The following GKAP1 variants were observed in gnomAD, a reference collection of about 807,000 sequenced individuals.
GKAP1 encodes G kinase-anchoring protein 1.
GKAP1 carries 31 observed loss-of-function variants against 56.7 expected under a neutral mutation model. The observed-to-expected ratio is 0.55, with a 90% confidence interval of 0.41 to 0.74. The LOEUF (loss-of-function observed/expected upper bound fraction) is 0.74, where lower values mean the gene tolerates loss of function less well. Among genes scored for constraint, GKAP1 ranks in the 30% least tolerant of loss-of-function variants. The probability of loss-of-function intolerance (pLI) is 0.00; values close to 1 mark genes in which losing one functional copy is unlikely to be tolerated. For synonymous variants in GKAP1, 151 were observed against 138.6 expected, an observed-to-expected ratio of 1.09 and a Z score of -0.63; for missense variants, 364 against 402.3, an observed-to-expected ratio of 0.90 and a Z score of 0.82.
chr9:83,744,109 T>G (rs1223629579), intron 10 of GKAP1, among the ~76,000 whole-genome samples: 2 of 152,212 alleles, frequency 1.3e-5, no homozygotes, highest in African/African-American at 4.8e-5. Context: ...CTCTCAAGAA[T>G]CAACCTGGGA....
At chr9:83,792,684 A>G (rs181931578) in intron 4 of GKAP1, among the ~76,000 whole-genome samples, 68 of 152,314 alleles carry the variant, frequency 4.5e-4, no homozygotes, top group African/African-American at 1.4e-3. Context: ...TCTATCAAAG[A>G]CTGCTATAAC....
At position 83,741,961 on chromosome 9, in the gene GKAP1, G is replaced by A; in HGVS notation, c.1044C>T (p.Ala348=). ...AATTATAAAAGCATACCTGGTATTT[G>A]GCTAACTCTGCTTGTAATACTTTCA... ...SKVKVLQAEL[A]KYQGGRKGKR... Residue 348 remains alanine (A), a synonymous_variant, in exon 12 of 13, where the codon GCC becomes GCT. Transcript: ENST00000376371. The A allele has an allele frequency of 6.3e-7, 1 of 1,578,946 alleles. No individual in the cohort carries two copies. The highest frequency in any genetic ancestry group is 8.6e-7 in the Non-Finnish European group (1 of 1,157,164).
chr9:83,796,001 T>C (rs1023081035), intron 4 of GKAP1, among the ~76,000 whole-genome samples: 1 of 152,248 alleles, frequency 6.6e-6, no homozygotes, highest in South Asian at 2.1e-4. Flanking sequence ...TATATATTTA[T>C]ACTACTATTT....
At chr9:83,784,208 A>C (rs1312031315) in intron 6 of GKAP1, among the ~76,000 whole-genome samples, 1 of 151,848 alleles carries the variant, frequency 6.6e-6, no homozygotes, top group Non-Finnish European at 1.5e-5. Context: ...CGGAGGTTAC[A>C]GTGAGCCATG....
rs776796291 is a variant in GKAP1, at chr9:83,742,027, C to T, written c.978G>A (p.Val326=). The change falls in exon 12 of 13, where the codon GTG becomes GTA. Residue 326 remains valine (V), a splice_region_variant and synonymous_variant. Coordinates refer to ENST00000376371, the MANE Select transcript of GKAP1 (RefSeq NM_025211.4). The stretch of plus-strand genomic sequence containing the variant: ...GTTCTAATGCAGCATGAAGTGAAGT[C>T]ACCTATAACCAAATATTCAATAAGA... ...QSIKNELTIQ[V]TSLHAALEQE... 4.2e-5 allele frequency: 67 copies of T among 1,576,844 alleles called. No homozygotes were observed. Among genetic ancestry groups the T allele is most frequent in the Non-Finnish European group, 5.6e-5 (65 of 1,162,994 alleles).
At chr9:83,750,938 C>G (rs1462876127) in intron 9 of GKAP1, among the ~76,000 whole-genome samples, 1 of 152,098 alleles carries the variant, frequency 6.6e-6, no homozygotes, top group Admixed American at 6.6e-5. Flanking sequence ...CAGGTTCGAG[C>G]GATTCTCCTG....
Position 83,799,211 on chromosome 9 carries a change from G to A in GKAP1, c.334C>T (p.Gln112Ter). The A allele has an allele frequency of 6.2e-7, 1 of 1,613,118 alleles. No homozygotes were observed. Among genetic ancestry groups the A allele is most frequent in the Non-Finnish European group, 8.5e-7 (1 of 1,179,620 alleles). Residue 112 changes from glutamine (Q) to a stop codon, truncating the protein, a stop_gained, in exon 4 of 13, where the codon CAA becomes TAA. Transcript: ENST00000376371. LOFTEE classifies it high-confidence loss of function. ...TGCTCATCTCTTTGTCTCCACTCTT[G>A]CCAATTTTCTTCTCGTGAATCCTTC... ...VQKDSREENW[Q>*]EWRQRDEQLT...
chr9:83,800,616 G>A (rs1298055868), intron 3 of GKAP1, among the ~76,000 whole-genome samples: 3 of 152,122 alleles, frequency 2.0e-5, no homozygotes, highest in African/African-American at 2.4e-5. Context: ...GATTACAGGC[G>A]TGAGCCACCG....
At chr9:83,749,203 T>A (rs1022279904) in intron 9 of GKAP1, 2 of 151,594 alleles carry the variant, frequency 1.3e-5, no homozygotes, top group Non-Finnish European at 2.9e-5. Flanking sequence ...CTTATAACAC[T>A]CTCTGTATCA....
Position 83,799,336 on chromosome 9 carries a change from A to T in GKAP1, c.217-8T>A, listed in dbSNP as rs761518803. 6.4e-7 allele frequency: 1 copy of T among 1,561,874 alleles called. No homozygotes were observed. The highest frequency in any genetic ancestry group is 2.3e-5 in the East Asian group (1 of 42,814). On this transcript the variant is annotated splice_polypyrimidine_tract_variant and splice_region_variant and intron_variant, in intron 3 of 12. Transcript: ENST00000376371. Reference sequence around the variant, plus strand: ...AAAAGCAAGATTCCTGAGCTATAAAACAAACAAAAAATATATTAAATTCAG... The same window carrying T: ...AAAAGCAAGATTCCTGAGCTATAAATCAAACAAAAAATATATTAAATTCAG...
At chr9:83,792,463 A>G (rs756493004) in intron 4 of GKAP1, among the ~76,000 whole-genome samples, 22 of 152,222 alleles carry the variant, frequency 1.4e-4, no homozygotes, top group Non-Finnish European at 2.1e-4. Flanking sequence ...GTAATCTCAG[A>G]CAGCATATGG....
At chr9:83,811,881 C>T (rs1944509658) in intron 2 of GKAP1, among the ~76,000 whole-genome samples, 1 of 151,352 alleles carries the variant, frequency 6.6e-6, no homozygotes, top group Admixed American at 6.6e-5. Flanking sequence ...CTATGCTATA[C>T]TTAAAAAAAA....
chr9:83,801,419 C>A (rs1276772368), intron 3 of GKAP1, among the ~76,000 whole-genome samples: 1 of 151,220 alleles, frequency 6.6e-6, no homozygotes, highest in Non-Finnish European at 1.5e-5. Flanking sequence ...TTAAGGCAGC[C>A]CTGAGAAACT....
In GKAP1 at chr9:83,752,087, C is replaced by G. The variant is rs148612309; in HGVS notation, c.840+1171G>C. 2.2e-3 allele frequency among the ~76,000 whole-genome samples: 337 copies of G among 152,194 alleles called. 1 individual carries two copies. Among genetic ancestry groups the G allele is most frequent in the African/African-American group, 7.8e-3 (322 of 41,538 alleles). ...ATATGTGATGAAATTCTGACACATG[C>G]TACAACGTGGATGAACCTTAAAAAC... On this transcript the variant is annotated intron_variant, in intron 9 of 12. Coordinates refer to ENST00000376371, the MANE Select transcript of GKAP1 (RefSeq NM_025211.4).
At chr9:83,753,633 T>G (rs1017436312) in intron 8 of GKAP1, among the ~76,000 whole-genome samples, 15 of 152,192 alleles carry the variant, frequency 9.9e-5, no homozygotes, top group African/African-American at 3.4e-4. Context: ...TTAAAAGTGC[T>G]CTGTGACAAG....
At chr9:83,740,391 T>C (rs1368499322) in intron 12 of GKAP1, among the ~76,000 whole-genome samples, 1 of 151,796 alleles carries the variant, frequency 6.6e-6, no homozygotes, top group Non-Finnish European at 1.5e-5. Flanking sequence ...ACATAACATT[T>C]TCTGTTTTAT....
intron 10 of GKAP1, among the ~76,000 whole-genome samples, chr9:83,746,817 CAAGAA>C (rs1407107092): frequency 6.6e-6 from 1 of 152,186 alleles, no homozygotes; most frequent in African/African-American, 2.4e-5. Context: ...GGAGTAATGA[CAAGAA>C]AAAAGTCTGC....
intron 8 of GKAP1, among the ~76,000 whole-genome samples, chr9:83,758,004 T>C (rs1284923408): frequency 1.3e-5 from 2 of 152,060 alleles, no homozygotes; most frequent in African/African-American, 4.8e-5. Context: ...CAGGATGGAA[T>C]ATGCCGCAAG....
chr9:83,778,764 A>G (rs1943904276), intron 7 of GKAP1, among the ~76,000 whole-genome samples: 1 of 152,158 alleles, frequency 6.6e-6, no homozygotes. Flanking sequence ...TTCTTAATAT[A>G]GTTGTAAGGG....
Sources: gnomAD v4.1 joint callset for allele counts (sites outside exome capture counted in the v4.1 genomes callset) on GRCh38, gnomAD v4.1.1 for gene constraint, MANE v1.5 for transcripts, NCBI Gene and HGNC (gene_info 2026-07-23, HGNC 2026-07-21) for gene names.